DNAAF4: variants seen among roughly 807,000 people sequenced by gnomAD.
DNAAF4 encodes dynein assembly factor 4, axonemal.
DNAAF4 carries 43 observed loss-of-function variants against 51.8 expected under a neutral mutation model. The observed-to-expected ratio is 0.83, with a 90% CI of 0.65 to 1.07. The LOEUF is 1.07. DNAAF4 is among the 50% of genes least tolerant of loss of function. DNAAF4 has a pLI of 0.00. For missense variants in DNAAF4, 581 were observed against 493.0 expected (o/e 1.18, Z -1.69); for synonymous variants, 194 against 165.6 (o/e 1.17, Z -1.32).
At chr15:55,465,010 C>T (rs1355546150) in intron 5 of DNAAF4, among the ~76,000 whole-genome samples, 1 of 152,134 alleles carries the variant, frequency 6.6e-6, no homozygotes, top group Non-Finnish European at 1.5e-5. Flanking sequence ...ATGCTCAACA[C>T]CGCTAATTAT....
chr15:55,443,329 C>T (rs1257670994), intron 6 of DNAAF4: 36 of 1,041,336 alleles, frequency 3.5e-5, no homozygotes, highest in Non-Finnish European at 4.8e-5. Context: ...CCCCAGCGTG[C>T]GGAGGCGCCT....
chr15:55,442,882 G>T, intron 6 of DNAAF4: 14 of 1,612,372 alleles, frequency 8.7e-6, no homozygotes, highest in Non-Finnish European at 1.2e-5. Flanking sequence ...ATCAATCATG[G>T]TTGCAATGGC....
chr15:55,476,516 T>C (rs1297345622), intron 4 of DNAAF4, among the ~76,000 whole-genome samples: 3 of 152,062 alleles, frequency 2.0e-5, no homozygotes, highest in Non-Finnish European at 4.4e-5. Flanking sequence ...CAAGAAAGAA[T>C]GAAGAGTATG....
At chr15:55,474,406 T>C (rs1481476277) in intron 4 of DNAAF4, among the ~76,000 whole-genome samples, 1 of 151,592 alleles carries the variant, frequency 6.6e-6, no homozygotes, top group Non-Finnish European at 1.5e-5. Context: ...TGGTGGTGCA[T>C]GCCTGTAGTC....
At chr15:55,436,942 TC>T (rs1205513660) in intron 7 of DNAAF4, among the ~76,000 whole-genome samples, 1 of 151,964 alleles carries the variant, frequency 6.6e-6, no homozygotes, top group Non-Finnish European at 1.5e-5. Flanking sequence ...TGCCTCAGCC[TC>T]CCGAGTAGCT....
intron 4 of DNAAF4, among the ~76,000 whole-genome samples, chr15:55,472,085 C>T (rs1164836818): frequency 1.3e-5 from 2 of 151,980 alleles, no homozygotes; most frequent in African/African-American, 4.8e-5. Context: ...AATGATCCAC[C>T]CGCCTCAACC....
At chr15:55,446,699 G>C (rs894414187) in intron 6 of DNAAF4, among the ~76,000 whole-genome samples, 8 of 150,206 alleles carry the variant, frequency 5.3e-5, no homozygotes, top group Non-Finnish European at 1.0e-4. Flanking sequence ...TGGCCGGGCA[G>C]AGGCGCTCCT....
At chr15:55,423,487 C>A (rs937602507) in intron 7 of DNAAF4, among the ~76,000 whole-genome samples, 1 of 152,106 alleles carries the variant, frequency 6.6e-6, no homozygotes, top group Non-Finnish European at 1.5e-5. Flanking sequence ...GGATTATAGG[C>A]ATAACCCACC....
chr15:55,433,243 T>C (rs1405381812), intron 8 of DNAAF4, among the ~76,000 whole-genome samples: 5 of 151,580 alleles, frequency 3.3e-5, no homozygotes, highest in African/African-American at 4.9e-5. Context: ...GGGGTTGCAA[T>C]AAGCCAAGAA....
intron 1 of DNAAF4, among the ~76,000 whole-genome samples, chr15:55,500,331 T>A (rs1392709677): frequency 6.6e-6 from 1 of 152,178 alleles, no homozygotes; most frequent in Non-Finnish European, 1.5e-5. Context: ...CTTGTCCCTT[T>A]AAGCTGAGAA....
In DNAAF4 at chr15:55,456,149, G is replaced by A. The variant is rs540675861; in HGVS notation, c.638-5782C>T. Among the ~76,000 whole-genome samples, 16 of 150,140 alleles carry A rather than the reference G, an allele frequency of 1.1e-4. No individual in the cohort carries two copies. The East Asian group carries it at 2.2e-3, about 20-fold the overall frequency. On this transcript the variant is annotated intron_variant, in intron 5 of 9. Transcript: ENST00000321149. ...GGCTGGAGTGCAATGGCAAGATCTC[G>A]CTTCACTGCAACCTCCACCTCCCTG...
chr15:55,475,255 T>G, intron 4 of DNAAF4, among the ~76,000 whole-genome samples: 1 of 151,914 alleles, frequency 6.6e-6, no homozygotes. Flanking sequence ...CATGAAGAGG[T>G]TGGCAATTCC....
chr15:55,498,511 AC>A lies in DNAAF4; in HGVS notation c.-183del. 2 of 696,304 alleles carry A rather than the reference AC, an allele frequency of 2.9e-6. No individual in the cohort carries two copies. Among genetic ancestry groups the A allele is most frequent in the Non-Finnish European group, 4.3e-6 (2 of 461,044 alleles). 43.1% of individuals were successfully genotyped at this position (696,304 alleles called of 1,614,324 possible). A position where few individuals can be genotyped will look rare whatever the true frequency, so the allele number is the denominator to read the frequency against. On this transcript the variant is annotated 5_prime_UTR_variant, in exon 2 of 10. Transcript: ENST00000321149. ...CATGCGTGACTATCCAGGCGCCCAG[AC>A]CAGAGAGTGATGCCGATTCTTGGGG...
At chr15:55,443,704 A>T (rs1214134172) in intron 6 of DNAAF4, among the ~76,000 whole-genome samples, 1 of 152,120 alleles carries the variant, frequency 6.6e-6, no homozygotes, top group East Asian at 1.9e-4. Context: ...CCTCTCCAGC[A>T]CCTGTTGTTT....
chr15:55,418,353 C>T (rs1040583974), intron 7 of DNAAF4: 2 of 1,539,560 alleles, frequency 1.3e-6, no homozygotes, highest in Non-Finnish European at 1.8e-6. Context: ...ACAGCCACCT[C>T]ACTATCAAAA....
Position 55,484,009 on chromosome 15 carries a change from G to C in DNAAF4, c.405+7114C>G, listed in dbSNP as rs562817504. 3.5e-4 allele frequency among the ~76,000 whole-genome samples: 53 copies of C among 151,708 alleles called. 1 individual carries two copies. The highest frequency in any genetic ancestry group is 1.2e-3 in the African/African-American group (50 of 41,362). ...CAGAGATATAGTTCAAATTAAAATGGCACTGAAGAGCACATCAAAACCACA... is the reference window on the plus strand; with the variant it reads ...CAGAGATATAGTTCAAATTAAAATGCCACTGAAGAGCACATCAAAACCACA... On this transcript the variant is annotated intron_variant, in intron 4 of 9. Transcript: ENST00000321149.
downstream of DNAAF4, among the ~76,000 whole-genome samples, chr15:55,428,484 C>CTTTTTTTT (rs747325376): frequency 5.6e-3 from 478 of 85,124 alleles, 5 homozygotes; most frequent in Non-Finnish European, 8.2e-3. Context: ...TCTTTTTTTT[C>CTTTTTTTT]TTTTTTTTTT....
intron 1 of DNAAF4, among the ~76,000 whole-genome samples, chr15:55,503,505 C>T (rs1398681412): frequency 1.3e-5 from 2 of 152,180 alleles, no homozygotes; most frequent in African/African-American, 2.4e-5. Flanking sequence ...CCCTAAGGAA[C>T]ATCGATGCAA....
rs541134545 is a variant in DNAAF4 at position 55,478,812 on chromosome 15, G to C, written c.406-11651C>G. Among the ~76,000 whole-genome samples, 4 of 152,136 alleles carry C rather than the reference G, an allele frequency of 2.6e-5. No homozygotes were observed. The East Asian group carries it at 7.7e-4, about 29-fold the overall frequency. Reference sequence around the variant, plus strand: ...GTTGCATCCCCTCAAAAACCCATTAGGGGCCCAATATCGATGCACACAGAA... The same window carrying C: ...GTTGCATCCCCTCAAAAACCCATTACGGGCCCAATATCGATGCACACAGAA... On this transcript the variant is annotated intron_variant, in intron 4 of 9. Coordinates refer to ENST00000321149, the MANE Select transcript of DNAAF4 (RefSeq NM_130810.4).
Sources: gnomAD v4.1 joint callset for allele counts (sites outside exome capture counted in the v4.1 genomes callset) on GRCh38, gnomAD v4.1.1 for gene constraint, MANE v1.5 for transcripts, NCBI Gene and HGNC (gene_info 2026-07-23, HGNC 2026-07-21) for gene names.